CSMD1: variants seen among roughly 807,000 people sequenced by gnomAD.
CSMD1 encodes CUB and Sushi multiple domains 1.
A neutral mutation model predicts 417.5 loss-of-function variants in CSMD1; 213 were observed. The observed-to-expected ratio is 0.51, with a 90% CI of 0.46 to 0.57. The LOEUF is 0.57. CSMD1 is among the 20% of genes least tolerant of loss of function. The pLI is 0.00. For missense variants in CSMD1, 6,923 were observed against 4,529.7 expected, an observed-to-expected ratio of 1.53 and a Z score of -15.17; for synonymous variants, 2,862 against 1,736.8, an observed-to-expected ratio of 1.65 and a Z score of -16.11.
intron 3 of CSMD1, among the ~76,000 whole-genome samples, chr8:4,037,539 C>G (rs183501377): frequency 1.3e-5 from 2 of 152,322 alleles, no homozygotes; most frequent in Admixed American, 1.3e-4. Context: ...TTGAAAAACA[C>G]AAATCAGACA....
chr8:2,991,209 T>A (rs892046606), intron 54 of CSMD1, among the ~76,000 whole-genome samples: 1 of 152,234 alleles, frequency 6.6e-6, no homozygotes, highest in African/African-American at 2.4e-5. Flanking sequence ...AGACACTCAA[T>A]GTTCTTCCAC....
At chr8:3,456,656 G>A (rs6997138) in intron 12 of CSMD1, among the ~76,000 whole-genome samples, 11,725 of 152,096 alleles carry the variant, frequency 0.077, 1,093 homozygotes, top group East Asian at 0.22. Context: ...AGTATCAGAG[G>A]TGGCAATCAC....
chr8:3,694,827 G>A (rs1563281020), intron 7 of CSMD1, among the ~76,000 whole-genome samples: 1 of 151,914 alleles, frequency 6.6e-6, no homozygotes, highest in Non-Finnish European at 1.5e-5. Flanking sequence ...ACGCGGCAAG[G>A]AATGAGCCAG....
intron 3 of CSMD1, among the ~76,000 whole-genome samples, chr8:4,165,360 A>T (rs1797395134): frequency 1.3e-5 from 2 of 152,186 alleles, no homozygotes; most frequent in Admixed American, 1.3e-4. Flanking sequence ...ATTCCTTAGG[A>T]CTCTAAAACA....
intron 1 of CSMD1, among the ~76,000 whole-genome samples, chr8:4,808,794 C>T (rs1284316543): frequency 6.6e-6 from 1 of 152,196 alleles, no homozygotes; most frequent in Non-Finnish European, 1.5e-5. Context: ...TCATATTCCC[C>T]AGGCCAACAG....
At chr8:4,958,474 T>A (rs1052709813) in intron 1 of CSMD1, among the ~76,000 whole-genome samples, 2 of 152,142 alleles carry the variant, frequency 1.3e-5, no homozygotes, top group African/African-American at 4.8e-5. Context: ...CAATATATAT[T>A]GAAGATATTG....
intron 10 of CSMD1, among the ~76,000 whole-genome samples, chr8:3,508,721 A>T (rs538330372): frequency 1.6e-4 from 24 of 152,250 alleles, no homozygotes; most frequent in African/African-American, 5.8e-4. Flanking sequence ...TGAATATTTT[A>T]AAATTTAAAA....
At chr8:3,967,983 C>T (rs888958856) in intron 5 of CSMD1, among the ~76,000 whole-genome samples, 16 of 137,718 alleles carry the variant, frequency 1.2e-4, no homozygotes, top group African/African-American at 4.0e-4. Flanking sequence ...CTGGCCAACA[C>T]GGTGAAACCC....
At chr8:4,402,674 A>G (rs373978276) in intron 3 of CSMD1, among the ~76,000 whole-genome samples, 1 of 152,032 alleles carries the variant, frequency 6.6e-6, no homozygotes, top group Non-Finnish European at 1.5e-5. Flanking sequence ...TTTGCCCATT[A>G]CTTCATGGAG....
chr8:4,099,748 C>G lies in CSMD1; in HGVS notation c.416-67649G>C, dbSNP rs563698699. Among the ~76,000 whole-genome samples the G allele has an allele frequency of 4.1e-4, 63 of 152,244 alleles. 1 individual carries two copies. The South Asian group carries it at 9.7e-3, about 24-fold the overall frequency. ...CTTTCTCCCCTCCTTAAAACTAGAA[C>G]CTCTTCCTGAGTTAATCTCCCAGCC... On this transcript the variant is annotated intron_variant, in intron 3 of 69. Transcript: ENST00000635120.
chr8:4,869,205 T>C (rs537557784), intron 1 of CSMD1, among the ~76,000 whole-genome samples: 4 of 152,090 alleles, frequency 2.6e-5, no homozygotes, highest in Admixed American at 2.6e-4. Context: ...TGCTATAATT[T>C]AGAACTGTAT....
chr8:3,509,647 T>C (rs1796981009), intron 10 of CSMD1, among the ~76,000 whole-genome samples: 1 of 152,236 alleles, frequency 6.6e-6, no homozygotes, highest in Non-Finnish European at 1.5e-5. Context: ...AGCTATAAGA[T>C]ATCATCAACC....
chr8:4,668,505 A>C (rs888259504), intron 1 of CSMD1, among the ~76,000 whole-genome samples: 1 of 150,312 alleles, frequency 6.7e-6, no homozygotes, highest in African/African-American at 2.4e-5. Context: ...GCTGGAGTGC[A>C]GTGGCACGAT....
chr8:4,861,034 A>G (rs901778796), intron 1 of CSMD1, among the ~76,000 whole-genome samples: 2 of 152,088 alleles, frequency 1.3e-5, no homozygotes, highest in African/African-American at 4.8e-5. Context: ...TTATTTATCT[A>G]TGTCTCCTTT....
At chr8:3,665,090 A>T (rs183643575) in intron 7 of CSMD1, among the ~76,000 whole-genome samples, 1 of 152,200 alleles carries the variant, frequency 6.6e-6, no homozygotes, top group African/African-American at 2.4e-5. Flanking sequence ...ATAACCTAAG[A>T]GGTTAACAAT....
intron 3 of CSMD1, among the ~76,000 whole-genome samples, chr8:4,206,265 T>C (rs189223856): frequency 6.6e-6 from 1 of 152,304 alleles, no homozygotes; most frequent in African/African-American, 2.4e-5. Context: ...TACATATGTA[T>C]ACATGTGCCA....
intron 49 of CSMD1, among the ~76,000 whole-genome samples, chr8:3,064,775 C>T (rs540215350): frequency 6.0e-4 from 91 of 152,220 alleles, no homozygotes; most frequent in African/African-American, 2.1e-3. Flanking sequence ...AAATGTGATT[C>T]TGATTATTTA....
chr8:4,830,607 G>C (rs1310523537), intron 1 of CSMD1, among the ~76,000 whole-genome samples: 1 of 152,190 alleles, frequency 6.6e-6, no homozygotes, highest in Non-Finnish European at 1.5e-5. Context: ...TAGATACATA[G>C]AACAAACTAT....
At chr8:3,771,456 T>TG (rs778951927) in intron 5 of CSMD1, among the ~76,000 whole-genome samples, 14 of 152,182 alleles carry the variant, frequency 9.2e-5, no homozygotes, top group Admixed American at 2.0e-4. Context: ...CAGTTGCTGG[T>TG]GGGGGGGCAA....
Sources: allele counts gnomAD v4.1 joint callset (sites outside exome capture counted in the v4.1 genomes callset), GRCh38; gene constraint gnomAD v4.1.1; transcripts MANE v1.5; gene names NCBI Gene and HGNC (gene_info 2026-07-23, HGNC 2026-07-21).